SLC36A2: variants seen among roughly 807,000 people sequenced by gnomAD.
SLC36A2 encodes the protein proton-coupled amino acid transporter 2.
A neutral mutation model predicts 42.7 loss-of-function variants in SLC36A2; 39 were observed. The observed-to-expected ratio is 0.91, with a 90% CI of 0.71 to 1.19. SLC36A2 has a LOEUF of 1.19. Ranked by LOEUF, SLC36A2 falls within the 50% of genes most tolerant of loss-of-function variation. The probability of loss-of-function intolerance (pLI) is 0.00; values close to 1 mark genes in which losing one functional copy is unlikely to be tolerated. For synonymous variants in SLC36A2, 237 were observed against 240.8 expected (o/e 0.98, Z 0.15); for missense variants, 590 against 613.7 (o/e 0.96, Z 0.41).
chr5:151,322,831 T>C (rs1424867970), intron 8 of SLC36A2, among the ~76,000 whole-genome samples: 1 of 152,220 alleles, frequency 6.6e-6, no homozygotes, highest in Non-Finnish European at 1.5e-5. Context: ...AGAGTGTGTG[T>C]GAGGCTTCAA....
At chr5:151,328,494 T>A (rs567124310) in intron 7 of SLC36A2, among the ~76,000 whole-genome samples, 11 of 152,088 alleles carry the variant, frequency 7.2e-5, no homozygotes, top group Non-Finnish European at 1.3e-4. Context: ...TAGAATAGGG[T>A]CCCCTGTGGG....
chr5:151,329,858 T>C (rs747737999), intron 7 of SLC36A2, among the ~76,000 whole-genome samples: 1 of 152,126 alleles, frequency 6.6e-6, no homozygotes, highest in Non-Finnish European at 1.5e-5. Context: ...GGCCCTCAAA[T>C]AGGTGGATAT....
chr5:151,323,960 C>T (rs1031045651), intron 8 of SLC36A2, among the ~76,000 whole-genome samples: 7 of 152,146 alleles, frequency 4.6e-5, no homozygotes, highest in African/African-American at 1.7e-4. Context: ...CTTGAGAAGA[C>T]CGAAATGTCC....
chr5:151,324,439 TCTCCTGCCTCAGC>T (rs1755794509), intron 8 of SLC36A2, among the ~76,000 whole-genome samples: 1 of 152,126 alleles, frequency 6.6e-6, no homozygotes, highest in South Asian at 2.1e-4. Flanking sequence ...TTTAAGTGAT[TCTCCTGCCTCAGC>T]CTCCCGAGTA....
At chr5:151,331,229 T>TAAAACTCTTAGAAG (rs1423930106) in intron 7 of SLC36A2, among the ~76,000 whole-genome samples, 1 of 152,210 alleles carries the variant, frequency 6.6e-6, no homozygotes, top group African/African-American at 2.4e-5. Context: ...GCTAAAACCA[T>TAAAACTCTTAGAAG]AAAACTCTTA....
At chr5:151,324,688 T>G (rs1310081843) in intron 8 of SLC36A2, among the ~76,000 whole-genome samples, 3 of 151,878 alleles carry the variant, frequency 2.0e-5, no homozygotes, top group Non-Finnish European at 2.9e-5. Flanking sequence ...TGGAGTGGAG[T>G]GCAGTGGTGT....
intron 6 of SLC36A2, among the ~76,000 whole-genome samples, chr5:151,333,981 A>AG (rs1264608347): frequency 6.6e-6 from 1 of 152,206 alleles, no homozygotes; most frequent in African/African-American, 2.4e-5. Flanking sequence ...TAATAATCTA[A>AG]GGAGCCCAAA....
At chr5:151,343,830 G>C (rs1756417111) in intron 2 of SLC36A2, among the ~76,000 whole-genome samples, 1 of 152,156 alleles carries the variant, frequency 6.6e-6, no homozygotes, top group Non-Finnish European at 1.5e-5. Flanking sequence ...GATGGGAGTA[G>C]GGGGACAGAG....
In SLC36A2 at chr5:151,322,162, G is replaced by A. The variant is rs1755715044; in HGVS notation, c.1064C>T (p.Ala355Val). 1.2e-6 allele frequency: 2 copies of A among 1,614,060 alleles called. No individual in the cohort carries two copies. Among genetic ancestry groups the A allele is most frequent in the Admixed American group, 1.7e-5 (1 of 59,996 alleles). The change falls in exon 9 of 10, where the codon GCC becomes GTC. Residue 355 changes from alanine (A) to valine (V), a missense_variant. Transcript: ENST00000335244. ...TTCTGCAGGGACGTAGAACTGCAGG[G>A]CATAGGTGCACAGGATGCCGGCAAT... ...LYIAGILCTY[A>V]LQFYVPAEII...
chr5:151,321,632 G>A (rs966041518), intron 9 of SLC36A2, among the ~76,000 whole-genome samples: 18 of 151,608 alleles, frequency 1.2e-4, no homozygotes, highest in African/African-American at 4.4e-4. Flanking sequence ...TACAGTAAGT[G>A]CTCAGTAAAT....
rs1756129181 is a variant in SLC36A2, at chr5:151,335,513, C to T, written c.560G>A (p.Cys187Tyr). Residue 187 changes from cysteine (C) to tyrosine (Y), a missense_variant, in exon 6 of 10, where the codon TGC becomes TAC. By Grantham distance (194) the Cys-to-Tyr change is radical (BLOSUM62 -2). Coordinates refer to ENST00000335244, the MANE Select transcript of SLC36A2 (RefSeq NM_181776.3). ...CAGAATCACCGTCTCATTGGAATAG[C>T]AGTTGTTGGTTGTGCTATTAACAGC... is the stretch of plus-strand genomic sequence containing the variant. ...VEAVNSTTNN[C>Y]YSNETVILTP... 3.7e-6 allele frequency: 6 copies of T among 1,614,016 alleles called. No individual in the cohort carries two copies. In the East Asian group the frequency reaches 6.7e-5, roughly 18 times the overall value.
intron 9 of SLC36A2, chr5:151,321,748 G>A (rs2127285101): frequency 5.4e-6 from 2 of 369,326 alleles, no homozygotes; most frequent in South Asian, 2.2e-5. Context: ...GCACGATCTC[G>A]GCTCACTGCA....
chr5:151,332,193 T>C (rs965411275), intron 7 of SLC36A2, among the ~76,000 whole-genome samples: 10 of 151,786 alleles, frequency 6.6e-5, no homozygotes, highest in Non-Finnish European at 1.2e-4. Context: ...AGGAAAAAAT[T>C]TAAAAGGAAA....
chr5:151,319,757 C>T (rs919941152), intron 9 of SLC36A2: 1 of 153,072 alleles, frequency 6.5e-6, no homozygotes, highest in Non-Finnish European at 1.5e-5. Flanking sequence ...GGACAGAAAT[C>T]CATGAAAACT....
At chr5:151,342,840 TCTCCTC>T (rs757619249) in intron 4 of SLC36A2, 42 bp downstream of exon 4, 1 of 1,510,758 alleles carries the variant, frequency 6.6e-7, no homozygotes. Flanking sequence ...AGCAGCATTT[TCTCCTC>T]CTGTGTCCTA....
intron 6 of SLC36A2, 48 bp downstream of exon 6, chr5:151,335,281 A>T (rs762325740): frequency 7.5e-6 from 11 of 1,468,080 alleles, no homozygotes; most frequent in South Asian, 2.4e-5. Flanking sequence ...TATCCTTGAT[A>T]AAAAAACCCT....
intron 7 of SLC36A2, among the ~76,000 whole-genome samples, chr5:151,331,605 A>C (rs939827368): frequency 6.6e-6 from 1 of 152,102 alleles, no homozygotes; most frequent in East Asian, 1.9e-4. Flanking sequence ...GGTGTGAGCC[A>C]CCATATCTAG....
At chr5:151,325,868 C>T (rs246494) in intron 7 of SLC36A2, among the ~76,000 whole-genome samples, 67,851 of 151,918 alleles carry the variant, frequency 0.45, 18,326 homozygotes, top group East Asian at 0.86. Context: ...GAAGGACTGG[C>T]ATGAGGAGAG....
At chr5:151,346,277 G>A (rs561698979) in intron 1 of SLC36A2, among the ~76,000 whole-genome samples, 22 of 152,050 alleles carry the variant, frequency 1.4e-4, no homozygotes, top group Non-Finnish European at 5.9e-5. Flanking sequence ...CAACTTCCAG[G>A]ACTAGCCCTG....
Sources: gnomAD v4.1 joint callset for allele counts (sites outside exome capture counted in the v4.1 genomes callset) on GRCh38, gnomAD v4.1.1 for gene constraint, MANE v1.5 for transcripts, NCBI Gene and HGNC (gene_info 2026-07-23, HGNC 2026-07-21) for gene names.